Variants in KCNH5 observed in about 807,000 individuals in gnomAD.
KCNH5 encodes the protein potassium voltage-gated channel subfamily H member 5, also known as voltage-gated delayed rectifier potassium channel KCNH5.
Under a neutral mutation model 96.1 loss-of-function variants are expected in KCNH5, and 46 were observed. The ratio of observed to expected loss-of-function variants is 0.48; its 90% CI spans 0.38 to 0.61. The LOEUF (loss-of-function observed/expected upper bound fraction) is 0.61, where lower values mean the gene tolerates loss of function less well. Among genes scored for constraint, KCNH5 ranks in the 20% least tolerant of loss-of-function variants. The pLI, the probability that KCNH5 is intolerant of heterozygous loss-of-function variation, is 0.00. For synonymous variants in KCNH5, 439 were observed against 449.8 expected (o/e 0.98, Z 0.30); for missense variants, 907 against 1,225.8 (o/e 0.74, Z 3.88).
intron 10 of KCNH5, among the ~76,000 whole-genome samples, chr14:62,773,732 G>A (rs908495184): frequency 1.3e-5 from 2 of 152,080 alleles, no homozygotes; most frequent in Admixed American, 1.3e-4. Flanking sequence ...TAAAATCTCA[G>A]GCATGCTTAT....
intron 6 of KCNH5, among the ~76,000 whole-genome samples, chr14:62,976,955 A>G (rs1890511771): frequency 6.6e-6 from 1 of 152,224 alleles, no homozygotes; most frequent in Non-Finnish European, 1.5e-5. Context: ...AGTGATAAGA[A>G]CATAGAAAAC....
chr14:62,940,506 C>A (rs1184930429), intron 7 of KCNH5, among the ~76,000 whole-genome samples: 1 of 152,142 alleles, frequency 6.6e-6, no homozygotes, highest in Admixed American at 6.5e-5. Flanking sequence ...TATCCCACAA[C>A]CTTTAGGATA....
intron 8 of KCNH5, among the ~76,000 whole-genome samples, chr14:62,827,396 A>T (rs572803771): frequency 2.0e-5 from 3 of 152,304 alleles, no homozygotes; most frequent in Admixed American, 2.0e-4. Context: ...TTTTTAACAA[A>T]GTCTGCTTGC....
intron 7 of KCNH5, among the ~76,000 whole-genome samples, chr14:62,866,070 T>C (rs962329661): frequency 2.6e-5 from 4 of 152,162 alleles, no homozygotes; most frequent in African/African-American, 9.7e-5. Flanking sequence ...AAGCAGAATA[T>C]ATTACTCTAC....
intron 10 of KCNH5, among the ~76,000 whole-genome samples, chr14:62,732,642 G>A (rs1231388997): frequency 1.3e-5 from 2 of 152,096 alleles, no homozygotes; most frequent in Non-Finnish European, 2.9e-5. Flanking sequence ...CTAGCCCTGT[G>A]CCCTGCAATC....
intron 8 of KCNH5, among the ~76,000 whole-genome samples, chr14:62,817,985 A>G (rs1251209972): frequency 6.6e-6 from 1 of 150,840 alleles, no homozygotes; most frequent in Non-Finnish European, 1.5e-5. Flanking sequence ...CCTTGAGGAC[A>G]TTGAGCTAAG....
chr14:62,973,293 A>G (rs913938385), intron 6 of KCNH5, among the ~76,000 whole-genome samples: 2 of 152,244 alleles, frequency 1.3e-5, no homozygotes, highest in Admixed American at 6.5e-5. Context: ...CAGTGAAAAG[A>G]AAAATCAACT....
intron 7 of KCNH5, among the ~76,000 whole-genome samples, chr14:62,873,182 G>A (rs933915450): frequency 6.6e-6 from 1 of 151,564 alleles, no homozygotes; most frequent in Non-Finnish European, 1.5e-5. Context: ...AGAAGAGAAG[G>A]AAGAGAAAGA....
At chr14:62,880,391 AAAG>A (rs1328601791) in intron 7 of KCNH5, among the ~76,000 whole-genome samples, 1 of 152,252 alleles carries the variant, frequency 6.6e-6, no homozygotes, top group Non-Finnish European at 1.5e-5. Flanking sequence ...TTAGTTTTTC[AAAG>A]AAGAAAAGCC....
intron 1 of KCNH5, 98 bp downstream of exon 1, chr14:63,045,016 T>C: frequency 1.0e-6 from 1 of 995,376 alleles, no homozygotes; most frequent in Non-Finnish European, 1.6e-6. Context: ...GCTGCCTGCA[T>C]CCTCCTCCCC....
intron 3 of KCNH5, among the ~76,000 whole-genome samples, chr14:63,006,063 T>C (rs763177049): frequency 6.6e-5 from 10 of 152,238 alleles, no homozygotes; most frequent in Non-Finnish European, 1.2e-4. Flanking sequence ...TCTGTCAATT[T>C]TAATCGTTGT....
At chr14:62,917,954 C>G (rs773154706) in intron 7 of KCNH5, among the ~76,000 whole-genome samples, 4 of 152,090 alleles carry the variant, frequency 2.6e-5, no homozygotes, top group Admixed American at 2.6e-4. Flanking sequence ...CAGCATGAGG[C>G]AGGGGCCATT....
rs1465365268 is a variant in KCNH5 at position 62,726,756 on chromosome 14, C to T, written c.2020-18301G>A. ...TTCAGCAATTTTACTCTTAGGTACT[C>T]CTTCCAGAAAAGGTTGTACACATGT... On this transcript the variant is annotated intron_variant, in intron 10 of 10. Transcript: ENST00000322893. Among the ~76,000 whole-genome samples, 6 of 152,174 alleles carry T rather than the reference C, an allele frequency of 3.9e-5. No individual in the cohort carries two copies. In the South Asian group the frequency reaches 1.0e-3, roughly 26 times the overall value.
chr14:62,894,638 A>G (rs1888776245), intron 7 of KCNH5, among the ~76,000 whole-genome samples: 1 of 152,222 alleles, frequency 6.6e-6, no homozygotes, highest in African/African-American at 2.4e-5. Context: ...TTTCTACTAT[A>G]TTAACATCCA....
At position 62,917,261 on chromosome 14, in the gene KCNH5, T is replaced by G. The variant is rs142258821; in HGVS notation, c.1369+32872A>C. Among the ~76,000 whole-genome samples the G allele has an allele frequency of 3.2e-3, 495 of 152,308 alleles. 4 individuals carry two copies. Among genetic ancestry groups the G allele is most frequent in the African/African-American group, 0.011 (475 of 41,564 alleles). ...TTATTTTTACGAGACTGAGCTCTGC[T>G]TATTTCATTGCAAGACCTGAAATCA... On this transcript the variant is annotated intron_variant, in intron 7 of 10. Transcript: ENST00000322893.
intron 7 of KCNH5, among the ~76,000 whole-genome samples, chr14:62,885,339 T>G (rs539864514): frequency 9.2e-5 from 14 of 152,210 alleles, no homozygotes; most frequent in Non-Finnish European, 1.6e-4. Context: ...TCACTTATCC[T>G]GAGAACATAG....
rs115830181 is a variant in KCNH5 at position 63,031,888 on chromosome 14, C to T, written c.73+13226G>A. 4.1e-3 allele frequency among the ~76,000 whole-genome samples: 616 copies of T among 151,664 alleles called. 4 individuals carry two copies. Among genetic ancestry groups the T allele is most frequent in the African/African-American group, 0.014 (560 of 41,376 alleles). On this transcript the variant is annotated intron_variant, in intron 1 of 10. Coordinates refer to ENST00000322893, the MANE Select transcript of KCNH5 (RefSeq NM_139318.5). ...CCTTATATATATACAATTTTTAAGA[C>T]GTGTAGAAAAAAAGGGTGGAACAGC...
chr14:62,754,028 A>G (rs1395770023), intron 10 of KCNH5, among the ~76,000 whole-genome samples: 1 of 152,190 alleles, frequency 6.6e-6, no homozygotes, highest in East Asian at 1.9e-4. Context: ...CTAAAAAGCT[A>G]CAACAACTTT....
At chr14:62,802,894 C>A (rs1364490460) in intron 8 of KCNH5, among the ~76,000 whole-genome samples, 1 of 152,158 alleles carries the variant, frequency 6.6e-6, no homozygotes, top group Non-Finnish European at 1.5e-5. Context: ...GTAATTCCAG[C>A]ACTTTGGGAG....
Sources: gnomAD v4.1 joint callset for allele counts (sites outside exome capture counted in the v4.1 genomes callset) on GRCh38, gnomAD v4.1.1 for gene constraint, MANE v1.5 for transcripts, NCBI Gene and HGNC (gene_info 2026-07-23, HGNC 2026-07-21) for gene names.